The following CHN2 variants were observed in gnomAD, a reference collection of about 807,000 sequenced individuals.
The protein encoded by CHN2 is chimerin 2.
Under a neutral mutation model 56.3 loss-of-function variants are expected in CHN2, and 35 were observed. The observed-to-expected ratio is 0.62, with a 90% CI of 0.47 to 0.82. The LOEUF (loss-of-function observed/expected upper bound fraction) is 0.82. CHN2 is among the 40% of genes least tolerant of loss of function. CHN2 has a pLI of 0.00. For missense variants in CHN2, 491 were observed against 580.5 expected (o/e 0.85, Z 1.58); for synonymous variants, 210 against 212.8 (o/e 0.99, Z 0.12).
intron 3 of CHN2, among the ~76,000 whole-genome samples, chr7:29,382,452 T>C (rs1800589430): frequency 6.6e-6 from 1 of 152,230 alleles, no homozygotes; most frequent in Non-Finnish European, 1.5e-5. Context: ...AGGTGTGAGC[T>C]ACCACCAATG....
intron 3 of CHN2, among the ~76,000 whole-genome samples, chr7:29,389,757 T>C (rs570593368): frequency 4.2e-4 from 64 of 152,246 alleles, no homozygotes; most frequent in African/African-American, 1.5e-3. Flanking sequence ...GTTTTATTTT[T>C]AAAAAGAATC....
At chr7:29,250,708 CTTCTT>C (rs1159092848) in intron 1 of CHN2, among the ~76,000 whole-genome samples, 35 of 145,502 alleles carry the variant, frequency 2.4e-4, no homozygotes, top group Non-Finnish European at 3.2e-4. Flanking sequence ...ACCTGAACTT[CTTCTT>C]TTTTTTTTTT....
At chr7:29,439,610 A>G (rs1442902250) in intron 6 of CHN2, among the ~76,000 whole-genome samples, 2 of 152,040 alleles carry the variant, frequency 1.3e-5, no homozygotes, top group Non-Finnish European at 2.9e-5. Context: ...GTCTGACATC[A>G]TCATCCTCAG....
At chr7:29,276,694 A>G (rs1791246159) in intron 1 of CHN2, among the ~76,000 whole-genome samples, 1 of 152,102 alleles carries the variant, frequency 6.6e-6, no homozygotes, top group Admixed American at 6.5e-5. Flanking sequence ...TTATAATTAG[A>G]TCCTCCCACT....
chr7:29,288,216 A>G (rs577554506), intron 1 of CHN2, among the ~76,000 whole-genome samples: 4 of 152,196 alleles, frequency 2.6e-5, no homozygotes, highest in Admixed American at 1.3e-4. Context: ...GGGTTCAGCA[A>G]CTGCTTGGCT....
chr7:29,268,851 C>T (rs961719975), intron 1 of CHN2, among the ~76,000 whole-genome samples: 2 of 152,206 alleles, frequency 1.3e-5, no homozygotes, highest in Admixed American at 1.3e-4. Flanking sequence ...TTGATTCACT[C>T]AAATGGGCCA....
chr7:29,269,055 G>C (rs891263714), intron 1 of CHN2, among the ~76,000 whole-genome samples: 3 of 152,082 alleles, frequency 2.0e-5, no homozygotes, highest in African/African-American at 4.8e-5. Context: ...TCATTACTTT[G>C]TGTTAGGAAT....
Position 29,504,890 on chromosome 7 carries a change from T to C in CHN2, c.991+69T>C, listed in dbSNP as rs192665041. 5.7e-5 allele frequency: 63 copies of C among 1,114,430 alleles called. No individual in the cohort carries two copies. In the Middle Eastern group the frequency reaches 1.0e-3, roughly 18 times the overall value. 69.0% of individuals were successfully genotyped at this position (1,114,430 alleles called of 1,614,324 possible). A position where few individuals can be genotyped will look rare whatever the true frequency, so the allele number is the denominator to read the frequency against. ...CTTCTCGATTGGAAGTAGGTTTTAA[T>C]CATAGTAGAAATGGGGTTTCAGAAC... On this transcript the variant is annotated intron_variant, in intron 10 of 12. Transcript: ENST00000222792.
At chr7:29,309,480 C>A (rs1404752324) in intron 1 of CHN2, among the ~76,000 whole-genome samples, 1 of 152,196 alleles carries the variant, frequency 6.6e-6, no homozygotes, top group East Asian at 1.9e-4. Context: ...TTCACAGTGG[C>A]CCCCGGTGGT....
At chr7:29,256,308 A>C (rs1789075079) in intron 1 of CHN2, among the ~76,000 whole-genome samples, 1 of 152,226 alleles carries the variant, frequency 6.6e-6, no homozygotes, top group Admixed American at 6.5e-5. Context: ...GTATGAGAAC[A>C]CTTTATCTCT....
chr7:29,482,967 G>A (rs1481533815), intron 7 of CHN2, among the ~76,000 whole-genome samples: 5 of 150,952 alleles, frequency 3.3e-5, no homozygotes, highest in Non-Finnish European at 7.4e-5. Context: ...GACTACAGGC[G>A]CCCGCCAACA....
At chr7:29,430,811 AG>A (rs1285045091) in intron 6 of CHN2, among the ~76,000 whole-genome samples, 2 of 135,088 alleles carry the variant, frequency 1.5e-5, no homozygotes, top group Non-Finnish European at 1.6e-5. Flanking sequence ...AAAAAAAAAA[AG>A]GGGACTTCTC....
chr7:29,345,693 C>T (rs73684862), intron 1 of CHN2, among the ~76,000 whole-genome samples: 1,654 of 152,210 alleles, frequency 0.011, 32 homozygotes, highest in African/African-American at 0.039. Context: ...TGCCCGAGGA[C>T]TGGCTCGTTG....
chr7:29,334,885 G>A (rs559655340), intron 1 of CHN2, among the ~76,000 whole-genome samples: 1 of 152,336 alleles, frequency 6.6e-6, no homozygotes, highest in South Asian at 2.1e-4. Flanking sequence ...ACCCCTCCAT[G>A]TGCGGACAGG....
At chr7:29,492,173 C>T (rs535447810) in intron 7 of CHN2, among the ~76,000 whole-genome samples, 1 of 152,302 alleles carries the variant, frequency 6.6e-6, no homozygotes, top group African/African-American at 2.4e-5. Context: ...TTTGTCAGAG[C>T]ACTTTGATGA....
intron 6 of CHN2, among the ~76,000 whole-genome samples, chr7:29,415,283 T>C (rs78977632): frequency 0.042 from 6,396 of 152,258 alleles, 150 homozygotes; most frequent in Middle Eastern, 0.075. Flanking sequence ...TGGCTGGCAC[T>C]TGGGGAGTCA....
chr7:29,229,841 G>A (rs888513448), intron 1 of CHN2, among the ~76,000 whole-genome samples: 2 of 152,158 alleles, frequency 1.3e-5, no homozygotes, highest in African/African-American at 4.8e-5. Flanking sequence ...GGTGGGCATG[G>A]TGGCATGTGC....
chr7:29,237,709 T>C (rs1468418412), intron 1 of CHN2, among the ~76,000 whole-genome samples: 1 of 152,010 alleles, frequency 6.6e-6, no homozygotes, highest in Non-Finnish European at 1.5e-5. Flanking sequence ...GATTAGGCAA[T>C]AGAGCTGGAG....
At chr7:29,455,939 C>T (rs1294812554) in intron 6 of CHN2, among the ~76,000 whole-genome samples, 1 of 152,192 alleles carries the variant, frequency 6.6e-6, no homozygotes, top group Admixed American at 6.5e-5. Flanking sequence ...AAGCATTTTC[C>T]AATCTCAACT....
Sources: gnomAD v4.1 joint callset for allele counts (sites outside exome capture counted in the v4.1 genomes callset) on GRCh38, gnomAD v4.1.1 for gene constraint, MANE v1.5 for transcripts, NCBI Gene and HGNC (gene_info 2026-07-23, HGNC 2026-07-21) for gene names.